Variants in NLGN1 observed in about 807,000 individuals in gnomAD.
NLGN1 encodes neuroligin-1.
A neutral mutation model predicts 65.5 loss-of-function variants in NLGN1; 12 were observed. The ratio of observed to expected loss-of-function variants is 0.18; its 90% CI spans 0.12 to 0.30. The LOEUF (loss-of-function observed/expected upper bound fraction) is 0.30. Ranked by LOEUF, NLGN1 falls within the 10% of genes least tolerant of loss-of-function variation. NLGN1 has a pLI of 1.00. For synonymous variants in NLGN1, 350 were observed against 359.5 expected (o/e 0.97, Z 0.30); for missense variants, 750 against 1,007.1 (o/e 0.74, Z 3.46).
exon 7 of NLGN1, chr3:174,281,322 C>A: frequency 6.5e-7 from 1 of 1,536,828 alleles, no homozygotes; most frequent in Non-Finnish European, 8.9e-7. Context: ...GAGAAACAAA[C>A]TATTTTTTTT....
intron 4 of NLGN1, among the ~76,000 whole-genome samples, chr3:173,886,108 T>G (rs1225514518): frequency 6.6e-6 from 1 of 152,122 alleles, no homozygotes; most frequent in Non-Finnish European, 1.5e-5. Context: ...CAGACTCTTA[T>G]GCAACCACTA....
At chr3:173,755,502 G>T (rs1368723488) in intron 3 of NLGN1, among the ~76,000 whole-genome samples, 1 of 151,950 alleles carries the variant, frequency 6.6e-6, no homozygotes, top group Non-Finnish European at 1.5e-5. Context: ...AGGTTCTTTG[G>T]GAGCAATTTT....
At chr3:173,650,249 A>G (rs1435440457) in intron 3 of NLGN1, among the ~76,000 whole-genome samples, 1 of 152,128 alleles carries the variant, frequency 6.6e-6, no homozygotes, top group Admixed American at 6.6e-5. Flanking sequence ...TTAGCTTCCT[A>G]TGGATGGCAT....
At chr3:173,911,209 C>T (rs1739517367) in intron 4 of NLGN1, among the ~76,000 whole-genome samples, 1 of 152,156 alleles carries the variant, frequency 6.6e-6, no homozygotes, top group Non-Finnish European at 1.5e-5. Context: ...TAAGCTGTTA[C>T]AAGCGCCAGT....
At chr3:173,674,107 A>G (rs1762814891) in intron 3 of NLGN1, among the ~76,000 whole-genome samples, 1 of 152,162 alleles carries the variant, frequency 6.6e-6, no homozygotes, top group African/African-American at 2.4e-5. Flanking sequence ...CCTGCCTCAT[A>G]TATAGTCATC....
chr3:173,435,799 C>T (rs1024192991), intron 2 of NLGN1, among the ~76,000 whole-genome samples: 5 of 152,092 alleles, frequency 3.3e-5, no homozygotes, highest in Non-Finnish European at 5.9e-5. Flanking sequence ...CATGCCACTG[C>T]ACTCCATCCT....
chr3:174,212,511 G>A (rs555829429), intron 4 of NLGN1, among the ~76,000 whole-genome samples: 1 of 152,328 alleles, frequency 6.6e-6, no homozygotes, highest in East Asian at 1.9e-4. Context: ...GGGCTCTGAG[G>A]ACTGCCAGCA....
rs796461962 is a variant in NLGN1 at position 173,417,441 on chromosome 3, A to G, written c.-389-17569A>G. Among the ~76,000 whole-genome samples, 11 of 151,954 alleles carry G rather than the reference A, an allele frequency of 7.2e-5. 1 individual carries two copies. Among genetic ancestry groups the G allele is most frequent in the African/African-American group, 2.4e-4 (10 of 41,562 alleles). ...TATTTACAAAAAATAGTGATTTTCTATTTTGCTTAATTATCTGAATCATAT... is the reference window on the plus strand; with the variant it reads ...TATTTACAAAAAATAGTGATTTTCTGTTTTGCTTAATTATCTGAATCATAT... On this transcript the variant is annotated intron_variant, in intron 1 of 6. Coordinates refer to ENST00000457714, the Ensembl canonical transcript of NLGN1.
chr3:174,219,102 T>C (rs929548879), intron 4 of NLGN1, among the ~76,000 whole-genome samples: 2 of 152,042 alleles, frequency 1.3e-5, no homozygotes, highest in African/African-American at 4.8e-5. Flanking sequence ...AAAAAAATGG[T>C]TTCCTATTTT....
At chr3:173,760,725 A>T (rs1777852236) in intron 3 of NLGN1, among the ~76,000 whole-genome samples, 2 of 152,002 alleles carry the variant, frequency 1.3e-5, no homozygotes, top group African/African-American at 4.8e-5. Flanking sequence ...GGAAACTTTG[A>T]TAATATTAAA....
chr3:173,887,421 T>G (rs80202767), intron 4 of NLGN1, among the ~76,000 whole-genome samples: 15 of 151,982 alleles, frequency 9.9e-5, no homozygotes, highest in Admixed American at 9.2e-4. Context: ...GTTTTAGTGA[T>G]CATGAAAACA....
intron 3 of NLGN1, among the ~76,000 whole-genome samples, chr3:173,798,682 T>A (rs1197696403): frequency 1.3e-5 from 2 of 152,076 alleles, no homozygotes; most frequent in South Asian, 4.1e-4. Context: ...GGTGTGATTA[T>A]AAAAGTCTAT....
At chr3:173,711,488 A>G (rs1005470151) in intron 3 of NLGN1, among the ~76,000 whole-genome samples, 1 of 152,170 alleles carries the variant, frequency 6.6e-6, no homozygotes, top group Admixed American at 6.5e-5. Context: ...ATAATATTAA[A>G]TTGGTTTTAA....
chr3:173,604,518 A>T, exon 3 of NLGN1: 1 of 1,448,092 alleles, frequency 6.9e-7, no homozygotes, highest in Non-Finnish European at 9.5e-7. Context: ...GGTATATTCT[A>T]CCATTATACA....
At chr3:174,274,446 C>CCAT (rs990516528) in intron 4 of NLGN1, among the ~76,000 whole-genome samples, 2 of 151,676 alleles carry the variant, frequency 1.3e-5, no homozygotes, top group African/African-American at 4.8e-5. Flanking sequence ...TTTTTTCTAT[C>CCAT]CATCATCTTT....
chr3:173,630,034 A>G (rs1301681166), intron 3 of NLGN1, among the ~76,000 whole-genome samples: 1 of 152,174 alleles, frequency 6.6e-6, no homozygotes, highest in African/African-American at 2.4e-5. Flanking sequence ...AAAGGAAAGG[A>G]GTGGGAAAAA....
chr3:173,500,673 A>G (rs1277365669), intron 2 of NLGN1, among the ~76,000 whole-genome samples: 5 of 152,128 alleles, frequency 3.3e-5, no homozygotes, highest in African/African-American at 7.2e-5. Flanking sequence ...CTGTGAATTC[A>G]TCTGGTCCTG....
intron 4 of NLGN1, among the ~76,000 whole-genome samples, chr3:174,252,875 A>G (rs691887): frequency 0.49 from 73,919 of 151,876 alleles, 18,875 homozygotes; most frequent in African/African-American, 0.65. Flanking sequence ...GGTGCAAAAG[A>G]GAGAACAGGA....
intron 4 of NLGN1, among the ~76,000 whole-genome samples, chr3:174,119,625 T>C (rs976537967): frequency 6.6e-6 from 1 of 152,178 alleles, no homozygotes; most frequent in Non-Finnish European, 1.5e-5. Context: ...AACAAGAGTT[T>C]CTCCCTGGAA....
Sources: allele counts gnomAD v4.1 joint callset (sites outside exome capture counted in the v4.1 genomes callset), GRCh38; gene constraint gnomAD v4.1.1; transcripts MANE v1.5; gene names NCBI Gene and HGNC (gene_info 2026-07-23, HGNC 2026-07-21).